Variants in LYZ observed in about 807,000 individuals in gnomAD.
LYZ encodes lysozyme C.
Under a neutral mutation model 15.8 loss-of-function variants are expected in LYZ, and 18 were observed. The ratio of observed to expected loss-of-function variants is 1.14; its 90% CI spans 0.79 to 1.69. The LOEUF (loss-of-function observed/expected upper bound fraction) is 1.69, where lower values mean the gene tolerates loss of function less well. LYZ is among the 40% of genes most tolerant of loss of function. The pLI is 0.00. For synonymous variants in LYZ, 60 were observed against 61.7 expected (o/e 0.97, Z 0.13); for missense variants, 139 against 182.8 (o/e 0.76, Z 1.38).
rs1874910669 is a variant in LYZ, at chr12:69,354,059, AGT to A, written c.*845_*846del. On this transcript the variant is annotated 3_prime_UTR_variant, in exon 4 of 4. Coordinates refer to ENST00000261267, the MANE Select transcript of LYZ (RefSeq NM_000239.3). ...TGAATTGAGAATTTTGATTTCTTAAAGTGTGTTTCTTTCTAAATTGCTGTTCC... is the reference window on the plus strand; with the variant it reads ...TGAATTGAGAATTTTGATTTCTTAAAGTGTTTCTTTCTAAATTGCTGTTCC... 1 of 152,218 alleles carries A rather than the reference AGT, an allele frequency of 6.6e-6. No homozygotes were observed. Among genetic ancestry groups the A allele is most frequent in the South Asian group, 2.1e-4 (1 of 4,828 alleles). 9.4% of individuals were successfully genotyped at this position (152,218 alleles called of 1,614,324 possible). A position where few individuals can be genotyped will look rare whatever the true frequency, so the allele number is the denominator to read the frequency against.
Position 69,353,722 on chromosome 12 carries a change from T to G in LYZ, c.*503T>G, listed in dbSNP as rs1478430410. ...CCAGGATGGTCTCGATCTCCTGACC[T>G]TGTGATCCACCCACCTCGGCCTCCC... On this transcript the variant is annotated 3_prime_UTR_variant, in exon 4 of 4. Coordinates refer to ENST00000261267, the MANE Select transcript of LYZ (RefSeq NM_000239.3). 1 of 175,716 alleles carries G rather than the reference T, an allele frequency of 5.7e-6. No individual in the cohort carries two copies. The highest frequency in any genetic ancestry group is 2.4e-5 in the African/African-American group (1 of 41,652). The allele number at this position is 175,716 out of a possible 1,614,324, so 10.9% of individuals were successfully genotyped here.
At chr12:69,350,737 C>CTTTTTTTT (rs60163961) in intron 2 of LYZ, among the ~76,000 whole-genome samples, 22 of 26,020 alleles carry the variant, frequency 8.5e-4, no homozygotes, top group African/African-American at 1.6e-3. Context: ...TCTTCTATGC[C>CTTTTTTTT]TTTTTTTTTT....
chr12:69,351,773 G>A (rs1233373705), intron 2 of LYZ, among the ~76,000 whole-genome samples: 1 of 152,108 alleles, frequency 6.6e-6, no homozygotes, highest in Admixed American at 6.5e-5. Context: ...TTTAATATAT[G>A]AATATTCTAT....
In LYZ at chr12:69,353,388, G is replaced by T; in HGVS notation, c.*169G>T. The T allele has an allele frequency of 7.3e-6, 5 of 685,032 alleles. No homozygotes were observed. The highest frequency in any genetic ancestry group is 1.3e-5 in the Non-Finnish European group (5 of 377,614). 42.4% of individuals were successfully genotyped at this position (685,032 alleles called of 1,614,324 possible). A position where few individuals can be genotyped will look rare whatever the true frequency, so the allele number is the denominator to read the frequency against. ...AAGAGATATAATGTTCACTAATGTG[G>T]TTATTTTACATTAAGCCTACAACAT... On this transcript the variant is annotated 3_prime_UTR_variant, in exon 4 of 4. Coordinates refer to ENST00000261267, the MANE Select transcript of LYZ (RefSeq NM_000239.3).
chr12:69,348,423 T>C lies in LYZ; in HGVS notation c.15T>C (p.Ile5=). The part of the protein sequence containing the change: MKAL[I]VLGLVLLSVT... ...TAGCAGTCAACATGAAGGCTCTCATTGTTCTGGGGCTTGTCCTCCTTTCTG... is the reference window on the plus strand; with the variant it reads ...TAGCAGTCAACATGAAGGCTCTCATCGTTCTGGGGCTTGTCCTCCTTTCTG... The change falls in exon 1 of 4, where the codon ATT becomes ATC. Residue 5 remains isoleucine, a synonymous_variant. Transcript: ENST00000261267. 1 of 1,614,216 alleles carries C rather than the reference T, an allele frequency of 6.2e-7. No homozygotes were observed. Among genetic ancestry groups the C allele is most frequent in the Non-Finnish European group, 8.5e-7 (1 of 1,180,040 alleles).
At chr12:69,350,737 C>CTTTTTTTTTTTTTTTTTTTTTTTT (rs60163961) in intron 2 of LYZ, among the ~76,000 whole-genome samples, 4 of 26,012 alleles carry the variant, frequency 1.5e-4, no homozygotes, top group African/African-American at 3.0e-4. Flanking sequence ...TCTTCTATGC[C>CTTTTTTTTTTTTTTTTTTTTTTTT]TTTTTTTTTT....
At chr12:69,348,635 TA>T in intron 1 of LYZ, 91 bp downstream of exon 1, 1 of 1,465,356 alleles carries the variant, frequency 6.8e-7, no homozygotes, top group East Asian at 2.3e-5. Flanking sequence ...TTTGAGTGAA[TA>T]GATGTTTTAT....
At chr12:69,350,062 A>C (rs188512539) in intron 1 of LYZ, 46 bp from the exon 2 acceptor site, 2 of 1,542,652 alleles carry the variant, frequency 1.3e-6, no homozygotes, top group African/African-American at 2.7e-5. Context: ...ATAGAGTATA[A>C]GTCACTTAGT....
At chr12:69,350,850 C>T (rs1379112939) in intron 2 of LYZ, among the ~76,000 whole-genome samples, 2 of 147,894 alleles carry the variant, frequency 1.4e-5, no homozygotes, top group East Asian at 4.0e-4. Flanking sequence ...TGCAGTGGCA[C>T]CATCACAGCT....
chr12:69,353,497 C>CT lies in LYZ; in HGVS notation c.*289dup, dbSNP rs71094709. 0.01 allele frequency: 3,080 copies of CT among 299,982 alleles called. 4 individuals carry two copies. The highest frequency in any genetic ancestry group is 0.012 in the Non-Finnish European group (2,017 of 165,856). 18.6% of individuals were successfully genotyped at this position (299,982 alleles called of 1,614,324 possible). ...AAATACATCTCCAGTACATTCCGTTCTTTTTTTTTTTGAGACAGTCTCGCT... is the reference window on the plus strand; with the variant it reads ...AAATACATCTCCAGTACATTCCGTTCTTTTTTTTTTTTGAGACAGTCTCGCT... On this transcript the variant is annotated 3_prime_UTR_variant, in exon 4 of 4. Transcript: ENST00000261267.
chr12:69,350,665 T>C (rs1168432343), intron 2 of LYZ, among the ~76,000 whole-genome samples: 1 of 148,186 alleles, frequency 6.7e-6, no homozygotes, highest in Admixed American at 6.8e-5. Context: ...GACATTAGTA[T>C]AATAAACAGC....
Position 69,354,104 on chromosome 12 carries a change from A to T in LYZ, c.*885A>T, listed in dbSNP as rs1165901984. 1.3e-5 allele frequency: 2 copies of T among 152,208 alleles called. No individual in the cohort carries two copies. The highest frequency in any genetic ancestry group is 2.9e-5 in the Non-Finnish European group (2 of 68,038). 9.4% of individuals were successfully genotyped at this position (152,208 alleles called of 1,614,324 possible). On this transcript the variant is annotated 3_prime_UTR_variant, in exon 4 of 4. Transcript: ENST00000261267. ...GCTGTTCCTTAATTTGATTAATTTAATTCATGTATTATGATTAAATCTGAG... is the reference window on the plus strand; with the variant it reads ...GCTGTTCCTTAATTTGATTAATTTATTTCATGTATTATGATTAAATCTGAG...
In LYZ at chr12:69,352,253, C is replaced by G. The variant is rs139882444; in HGVS notation, c.335C>G (p.Ala112Gly). Residue 112 changes from alanine (A) to glycine (G), a missense_variant, in exon 3 of 4, where the codon GCT becomes GGT. By Grantham distance (60) the Ala-to-Gly change is moderately conservative. Coordinates refer to ENST00000261267, the MANE Select transcript of LYZ (RefSeq NM_000239.3). Reference protein sequence around the residue: ...LLQDNIADAVACAKRVVRDPQ... With the variant: ...LLQDNIADAVGCAKRVVRDPQ... Reference sequence around the variant, plus strand: ...CAAGATAACATCGCTGATGCTGTAGCTTGTGCAAAGAGGGTTGTCCGTGAT... The same window carrying G: ...CAAGATAACATCGCTGATGCTGTAGGTTGTGCAAAGAGGGTTGTCCGTGAT... 84 of 1,613,950 alleles carry G rather than the reference C, an allele frequency of 5.2e-5. No homozygotes were observed. In the African/African-American group the frequency reaches 1.1e-3, roughly 20 times the overall value.
At chr12:69,349,049 T>G (rs756135187) in intron 1 of LYZ, among the ~76,000 whole-genome samples, 3 of 152,200 alleles carry the variant, frequency 2.0e-5, no homozygotes, top group Non-Finnish European at 2.9e-5. Flanking sequence ...TGGCCCAGGC[T>G]GGAGTGCAGT....
At position 69,353,805 on chromosome 12, in the gene LYZ, A is replaced by G. The variant is rs991318591; in HGVS notation, c.*586A>G. Reference sequence around the variant, plus strand: ...GCCCGGCCACATTCAGTTCTTATCAAAGAAATAACCCAGACTTAATCTTGA... The same window carrying G: ...GCCCGGCCACATTCAGTTCTTATCAGAGAAATAACCCAGACTTAATCTTGA... On this transcript the variant is annotated 3_prime_UTR_variant, in exon 4 of 4. Coordinates refer to ENST00000261267, the MANE Select transcript of LYZ (RefSeq NM_000239.3). The G allele has an allele frequency of 1.3e-5, 2 of 155,998 alleles. No individual in the cohort carries two copies. Among genetic ancestry groups the G allele is most frequent in the African/African-American group, 4.8e-5 (2 of 41,430 alleles). The allele number at this position is 155,998 out of a possible 1,614,324, so 9.7% of individuals were successfully genotyped here.
In LYZ at chr12:69,353,223, C is replaced by T. The variant is rs377318354; in HGVS notation, c.*4C>T. ...TGTTCAAGGTTGTGGAGTGTAACTC[C>T]AGAATTTTCCTTCTTCAGCTCATTT... On this transcript the variant is annotated 3_prime_UTR_variant, in exon 4 of 4. Coordinates refer to ENST00000261267, the MANE Select transcript of LYZ (RefSeq NM_000239.3). The T allele has an allele frequency of 6.2e-7, 1 of 1,612,650 alleles. No homozygotes were observed. Among genetic ancestry groups the T allele is most frequent in the Admixed American group, 1.7e-5 (1 of 60,030 alleles).
Position 69,353,497 on chromosome 12 carries a change from C to CTTTTTTTTTTTTTTTTTTTTTTTT in LYZ, c.*289_*290insTTTTTTTTTTTTTTTTTTTTTTTT, listed in dbSNP as rs71094709. Reference sequence around the variant, plus strand: ...AAATACATCTCCAGTACATTCCGTTCTTTTTTTTTTTGAGACAGTCTCGCT... The same window carrying CTTTTTTTTTTTTTTTTTTTTTTTT: ...AAATACATCTCCAGTACATTCCGTTCTTTTTTTTTTTTTTTTTTTTTTTTTTTTTTTTTTTGAGACAGTCTCGCT... On this transcript the variant is annotated 3_prime_UTR_variant, in exon 4 of 4. Coordinates refer to ENST00000261267, the MANE Select transcript of LYZ (RefSeq NM_000239.3). The CTTTTTTTTTTTTTTTTTTTTTTTT allele has an allele frequency of 7.9e-6, 2 of 252,660 alleles. No individual in the cohort carries two copies. Among genetic ancestry groups the CTTTTTTTTTTTTTTTTTTTTTTTT allele is most frequent in the Non-Finnish European group, 1.5e-5 (2 of 137,602 alleles). 15.7% of individuals were successfully genotyped at this position (252,660 alleles called of 1,614,324 possible).
chr12:69,352,234 A>G lies in LYZ; in HGVS notation c.316A>G (p.Asn106Asp). 2.5e-6 allele frequency: 4 copies of G among 1,613,660 alleles called. No homozygotes were observed. Among genetic ancestry groups the G allele is most frequent in the Non-Finnish European group, 3.4e-6 (4 of 1,179,558 alleles). The part of the protein sequence containing the change: ...HLSCSALLQD[N>D]IADAVACAKR... ...CTGTCTTTCAGCTTTGCTGCAAGAT[A>G]ACATCGCTGATGCTGTAGCTTGTGC... Residue 106 changes from asparagine to aspartate, a missense_variant, in exon 3 of 4, where the codon AAC becomes GAC. Physicochemically the swap from Asn to Asp is conservative, Grantham distance 23. Coordinates refer to ENST00000261267, the MANE Select transcript of LYZ (RefSeq NM_000239.3).
intron 1 of LYZ, among the ~76,000 whole-genome samples, chr12:69,349,389 C>CA (rs1874792229): frequency 6.6e-6 from 1 of 152,198 alleles, no homozygotes; most frequent in African/African-American, 2.4e-5. Flanking sequence ...CCTTCAGTCA[C>CA]TCTTTGTATA....
Sources: allele counts gnomAD v4.1 joint callset (sites outside exome capture counted in the v4.1 genomes callset), GRCh38; gene constraint gnomAD v4.1.1; transcripts MANE v1.5; gene names NCBI Gene and HGNC (gene_info 2026-07-23, HGNC 2026-07-21).